COG6: variants seen among roughly 807,000 people sequenced by gnomAD.
The protein encoded by COG6 is component of oligomeric golgi complex 6.
COG6 carries 74 observed loss-of-function variants against 88.8 expected under a neutral mutation model. That is an observed-to-expected ratio of 0.83 (90% CI 0.69 to 1.01). The LOEUF (loss-of-function observed/expected upper bound fraction) is 1.01. COG6 is among the 50% of genes least tolerant of loss of function. The pLI is 0.00. For missense variants in COG6, 800 were observed against 797.9 expected (o/e 1.00, Z -0.03); for synonymous variants, 286 against 278.7 (o/e 1.03, Z -0.26).
intron 12 of COG6, 59 bp downstream of exon 12, chr13:39,694,784 GC>G: frequency 1.1e-6 from 1 of 950,230 alleles, no homozygotes. Context: ...TTCAGTTAGA[GC>G]ACAGTATAAG....
rs184193902 is a variant in COG6 at position 39,665,078 on chromosome 13, A to G, written c.370-18A>G. ...TAAAATTGGAATTTACTTATATTAG[A>G]TATGTTTATAATTTTAGGCAGCAAA... On this transcript the variant is annotated intron_variant, in intron 3 of 18. Transcript: ENST00000455146. 492 of 1,138,050 alleles carry G rather than the reference A, an allele frequency of 4.3e-4. No individual in the cohort carries two copies. Among genetic ancestry groups the G allele is most frequent in the Non-Finnish European group, 5.8e-4 (434 of 748,296 alleles). The allele number at this position is 1,138,050 out of a possible 1,614,324, so 70.5% of individuals were successfully genotyped here.
At chr13:39,748,726 C>T (rs1002365364) in intron 18 of COG6, among the ~76,000 whole-genome samples, 1 of 152,146 alleles carries the variant, frequency 6.6e-6, no homozygotes, top group African/African-American at 2.4e-5. Context: ...ACCAGTAGCA[C>T]CAGTCTACTC....
chr13:39,696,731 G>T (rs758768341), intron 12 of COG6, among the ~76,000 whole-genome samples: 1 of 151,460 alleles, frequency 6.6e-6, no homozygotes, highest in Admixed American at 6.6e-5. Context: ...TGGGGAAAAT[G>T]TGAGGGTTTT....
At chr13:39,661,135 A>G (rs1874871831) in intron 3 of COG6, among the ~76,000 whole-genome samples, 1 of 152,128 alleles carries the variant, frequency 6.6e-6, no homozygotes, top group Admixed American at 6.5e-5. Context: ...ATTTTGATAA[A>G]CCTTTCAATT....
chr13:39,742,332 C>A (rs1250298156), intron 18 of COG6, among the ~76,000 whole-genome samples: 4 of 152,148 alleles, frequency 2.6e-5, no homozygotes, highest in African/African-American at 9.7e-5. Flanking sequence ...AGTCAAGACA[C>A]ATCAGTGTGC....
chr13:39,747,029 T>C (rs1178365713), intron 18 of COG6, among the ~76,000 whole-genome samples: 1 of 152,172 alleles, frequency 6.6e-6, no homozygotes, highest in Admixed American at 6.6e-5. Flanking sequence ...AAGTACCTTA[T>C]AAAGATTAAC....
At chr13:39,728,714 G>A (rs1259309355) in intron 18 of COG6, among the ~76,000 whole-genome samples, 1 of 151,336 alleles carries the variant, frequency 6.6e-6, no homozygotes, top group East Asian at 1.9e-4. Context: ...CTTTCTCCCA[G>A]GCTAGAGTGC....
At chr13:39,770,148 T>G (rs915440155) in intron 18 of COG6, among the ~76,000 whole-genome samples, 7 of 152,154 alleles carry the variant, frequency 4.6e-5, no homozygotes, top group Admixed American at 3.9e-4. Context: ...TGGTAGGCAG[T>G]TTGGTAATTT....
intron 13 of COG6, among the ~76,000 whole-genome samples, chr13:39,704,549 G>T (rs1188703056): frequency 6.6e-6 from 1 of 152,160 alleles, no homozygotes; most frequent in African/African-American, 2.4e-5. Flanking sequence ...GGCTGAGGAG[G>T]AGGAAGAAGA....
At chr13:39,674,575 A>G (rs1224946390) in intron 4 of COG6, among the ~76,000 whole-genome samples, 1 of 152,184 alleles carries the variant, frequency 6.6e-6, no homozygotes, top group East Asian at 1.9e-4. Context: ...GTGTTTATAT[A>G]CAGTAATTCC....
At chr13:39,777,548 C>T (rs1881501695) in intron 18 of COG6, among the ~76,000 whole-genome samples, 2 of 152,128 alleles carry the variant, frequency 1.3e-5, no homozygotes, top group South Asian at 2.1e-4. Flanking sequence ...AAAACTTGAA[C>T]TTTGCTTTGG....
chr13:39,752,131 T>C lies in COG6; in HGVS notation c.*1038T>C, dbSNP rs1213732506. On this transcript the variant is annotated 3_prime_UTR_variant, in exon 19 of 19. Coordinates refer to ENST00000455146, the MANE Select transcript of COG6 (RefSeq NM_020751.3). ...AGGAATAAATCCCAGTGTGCCTGAT[T>C]TGACATTCTTGTCAGCAAAAAAAAA... 1.6e-6 allele frequency: 2 copies of C among 1,239,266 alleles called. No homozygotes were observed. The highest frequency in any genetic ancestry group is 1.6e-5 in the African/African-American group (1 of 61,714). The allele number at this position is 1,239,266 out of a possible 1,614,324, so 76.8% of individuals were successfully genotyped here.
At chr13:39,790,498 A>C (rs985416480) in exon 19 of COG6, 5 of 152,098 alleles carry the variant, frequency 3.3e-5, no homozygotes, top group African/African-American at 1.2e-4. Flanking sequence ...AATTAATGTA[A>C]CTTTTCAATA....
intron 1 of COG6, among the ~76,000 whole-genome samples, chr13:39,656,613 A>G (rs958609255): frequency 6.6e-6 from 1 of 152,074 alleles, no homozygotes; most frequent in African/African-American, 2.4e-5. Flanking sequence ...AAAGAAGAAC[A>G]TATGTCAAAG....
At chr13:39,688,457 C>T (rs1876792902) in intron 10 of COG6, among the ~76,000 whole-genome samples, 1 of 152,018 alleles carries the variant, frequency 6.6e-6, no homozygotes, top group Admixed American at 6.6e-5. Flanking sequence ...GGGGAAGAGC[C>T]AGCATGTCAC....
Position 39,719,259 on chromosome 13 carries a change from T to G in COG6, c.1308T>G (p.Leu436=), listed in dbSNP as rs61754105. ...MDKVELPPPD[L]GPSSALNQTL... is the part of the protein sequence containing the mutation. ...AGGTTGAACTCCCACCACCTGATCTTGGACCAAGTTCTGCACTAAATCAGA... is the reference window on the plus strand; with the variant it reads ...AGGTTGAACTCCCACCACCTGATCTGGGACCAAGTTCTGCACTAAATCAGA... Residue 436 remains leucine, a synonymous_variant, in exon 14 of 19, where the codon CTT becomes CTG. Transcript: ENST00000455146. 2.1e-4 allele frequency: 336 copies of G among 1,612,812 alleles called. 1 individual carries two copies. In the African/African-American group the frequency reaches 4.1e-3, roughly 19 times the overall value.
chr13:39,672,382 C>T (rs1395316289), intron 4 of COG6, among the ~76,000 whole-genome samples: 2 of 151,964 alleles, frequency 1.3e-5, no homozygotes, highest in Non-Finnish European at 2.9e-5. Context: ...TGAATTACAA[C>T]ATTTTCACCA....
intron 18 of COG6, among the ~76,000 whole-genome samples, chr13:39,732,634 A>G (rs1285798288): frequency 2.0e-5 from 3 of 152,232 alleles, no homozygotes; most frequent in Non-Finnish European, 2.9e-5. Flanking sequence ...GGATTGTCTT[A>G]TAGGCCAGTT....
intron 18 of COG6, among the ~76,000 whole-genome samples, chr13:39,741,057 G>C (rs1263830487): frequency 6.6e-6 from 1 of 152,172 alleles, no homozygotes. Flanking sequence ...TTAATGACAA[G>C]CTCACTGATT....
Sources: allele counts gnomAD v4.1 joint callset (sites outside exome capture counted in the v4.1 genomes callset), GRCh38; gene constraint gnomAD v4.1.1; transcripts MANE v1.5; gene names NCBI Gene and HGNC (gene_info 2026-07-23, HGNC 2026-07-21).